DLGAP2: variants seen among roughly 807,000 people sequenced by gnomAD.
The protein encoded by DLGAP2 is disks large-associated protein 2.
In DLGAP2, 26 loss-of-function variants were observed where a neutral mutation model predicts 100.3. The observed-to-expected ratio is 0.26, with a 90% CI of 0.19 to 0.36. The LOEUF is 0.36. DLGAP2 is among the 10% of genes least tolerant of loss of function. DLGAP2 has a pLI of 1.00. For synonymous variants in DLGAP2, 886 were observed against 630.1 expected (o/e 1.41, Z -6.08); for missense variants, 1,858 against 1,453.2 (o/e 1.28, Z -4.53).
intron 1 of DLGAP2, among the ~76,000 whole-genome samples, chr8:855,547 CAGG>C: frequency 6.6e-6 from 1 of 152,236 alleles, no homozygotes; most frequent in East Asian, 1.9e-4. Context: ...ACAGACACAT[CAGG>C]AGGAGTGAGA....
chr8:1,178,678 G>C (rs1038828228), intron 2 of DLGAP2, among the ~76,000 whole-genome samples: 2 of 152,132 alleles, frequency 1.3e-5, no homozygotes, highest in Admixed American at 1.3e-4. Context: ...AATGGATTTT[G>C]GGAAGTGCAC....
At chr8:926,931 T>A (rs1798828750) in intron 2 of DLGAP2, 1 of 772,892 alleles carries the variant, frequency 1.3e-6, no homozygotes, top group African/African-American at 1.9e-5. Context: ...CTGAGCCGGA[T>A]TAAATGCCTC....
chr8:1,353,226 C>T (rs764354368), intron 3 of DLGAP2, among the ~76,000 whole-genome samples: 3 of 152,208 alleles, frequency 2.0e-5, no homozygotes, highest in Non-Finnish European at 4.4e-5. Flanking sequence ...CAGCTCCCAG[C>T]ACAGGGCTGT....
intron 10 of DLGAP2, among the ~76,000 whole-genome samples, chr8:1,675,555 C>T (rs1186768567): frequency 2.0e-5 from 3 of 152,240 alleles, no homozygotes; most frequent in Non-Finnish European, 4.4e-5. Context: ...CAAAGGGCAA[C>T]TCAAATGTTA....
intron 3 of DLGAP2, among the ~76,000 whole-genome samples, chr8:1,304,926 G>A (rs1336467807): frequency 1.3e-5 from 2 of 152,208 alleles, no homozygotes; most frequent in South Asian, 2.1e-4. Flanking sequence ...TGCATATCGT[G>A]CATAAGGTAA....
At chr8:1,387,679 C>T (rs1377745394) in intron 3 of DLGAP2, among the ~76,000 whole-genome samples, 1 of 151,994 alleles carries the variant, frequency 6.6e-6, no homozygotes, top group Non-Finnish European at 1.5e-5. Flanking sequence ...TAAGTTGGGT[C>T]CTGGGTTTTG....
At chr8:1,273,591 T>G (rs1421455057) in intron 3 of DLGAP2, among the ~76,000 whole-genome samples, 5 of 152,188 alleles carry the variant, frequency 3.3e-5, no homozygotes, top group Non-Finnish European at 7.3e-5. Flanking sequence ...CTTTATCATG[T>G]GCAGAGGCAG....
At chr8:1,340,689 A>C (rs574881722) in intron 3 of DLGAP2, among the ~76,000 whole-genome samples, 2 of 152,308 alleles carry the variant, frequency 1.3e-5, no homozygotes, top group African/African-American at 4.8e-5. Context: ...TGGAGACCTA[A>C]AGACAAACAC....
At chr8:1,321,428 C>T (rs1800899509) in intron 3 of DLGAP2, among the ~76,000 whole-genome samples, 2 of 151,448 alleles carry the variant, frequency 1.3e-5, no homozygotes, top group South Asian at 4.2e-4. Context: ...TCTGTGTGTG[C>T]TTGCATCCAT....
chr8:1,548,496 G>T, intron 4 of DLGAP2, 130 bp from the exon 5 acceptor site: 2 of 363,476 alleles, frequency 5.5e-6, no homozygotes, highest in South Asian at 8.1e-5. Flanking sequence ...CCACAAATCT[G>T]CCCTCTCGAG....
intron 3 of DLGAP2, among the ~76,000 whole-genome samples, chr8:1,457,982 A>G (rs1475177796): frequency 3.5e-5 from 1 of 28,648 alleles, no homozygotes; most frequent in African/African-American, 1.5e-4. Context: ...GATCATATAT[A>G]TATATATATA....
At chr8:905,852 T>C (rs1377469943) in intron 1 of DLGAP2, among the ~76,000 whole-genome samples, 1 of 147,722 alleles carries the variant, frequency 6.8e-6, no homozygotes, top group Non-Finnish European at 1.5e-5. Flanking sequence ...GCATGTCTTG[T>C]GACCTCTCGC....
chr8:1,356,028 C>CG (rs1394343795), intron 3 of DLGAP2, among the ~76,000 whole-genome samples: 1 of 152,240 alleles, frequency 6.6e-6, no homozygotes, highest in Non-Finnish European at 1.5e-5. Flanking sequence ...CTTGCATGAT[C>CG]GGGGCCACTG....
chr8:1,029,576 T>C (rs541039457), intron 2 of DLGAP2, among the ~76,000 whole-genome samples: 2 of 131,770 alleles, frequency 1.5e-5, no homozygotes, highest in South Asian at 2.6e-4. Context: ...TTGGATGGGA[T>C]GGCCAAGGGC....
chr8:1,160,192 A>C (rs1369888928), intron 2 of DLGAP2, among the ~76,000 whole-genome samples: 3 of 152,180 alleles, frequency 2.0e-5, no homozygotes, highest in Non-Finnish European at 4.4e-5. Context: ...AGAAGTAGTC[A>C]GTTCACCGTA....
chr8:973,460 C>A (rs1057002749), intron 2 of DLGAP2, among the ~76,000 whole-genome samples: 2 of 152,034 alleles, frequency 1.3e-5, no homozygotes, highest in Non-Finnish European at 2.9e-5. Context: ...AGAGGCGCTC[C>A]TCACATCCCA....
intron 2 of DLGAP2, among the ~76,000 whole-genome samples, chr8:1,065,869 A>G (rs1273341605): frequency 2.0e-5 from 3 of 151,898 alleles, no homozygotes; most frequent in Non-Finnish European, 4.4e-5. Context: ...TTTCCTAGCT[A>G]TTTGCTTTCG....
In DLGAP2 at chr8:1,649,779, T is replaced by C. The variant is rs532073215; in HGVS notation, c.1810+16733T>C. On this transcript the variant is annotated intron_variant, in intron 8 of 14. Transcript: ENST00000637795. ...TCGTGCTGTGCTTTTTAAACGTAAG[T>C]CATGGGAAAGCTTTGAAAATCCCAG... 5.3e-5 allele frequency among the ~76,000 whole-genome samples: 8 copies of C among 152,342 alleles called. No homozygotes were observed. The South Asian group carries it at 1.7e-3, about 32-fold the overall frequency.
At chr8:741,078 A>T (rs1820469397) in intron 1 of DLGAP2, among the ~76,000 whole-genome samples, 2 of 152,214 alleles carry the variant, frequency 1.3e-5, no homozygotes, top group African/African-American at 2.4e-5. Context: ...TTTTCATCAT[A>T]CGAGGCTTTC....
Sources: gnomAD v4.1 joint callset for allele counts (sites outside exome capture counted in the v4.1 genomes callset) on GRCh38, gnomAD v4.1.1 for gene constraint, MANE v1.5 for transcripts, NCBI Gene and HGNC (gene_info 2026-07-23, HGNC 2026-07-21) for gene names.